The following KLB variants were observed in gnomAD, a reference collection of about 807,000 sequenced individuals.
KLB encodes beta-klotho.
In KLB, 44 loss-of-function variants were observed where a neutral mutation model predicts 88.4. The observed-to-expected ratio is 0.50, with a 90% CI of 0.39 to 0.64. The LOEUF is 0.64. KLB is among the 30% of genes least tolerant of loss of function. The pLI, the probability that KLB is intolerant of heterozygous loss-of-function variation, is 0.00. For missense variants in KLB, 1,137 were observed against 1,304.8 expected (o/e 0.87, Z 1.98); for synonymous variants, 548 against 513.4 (o/e 1.07, Z -0.91).
chr4:39,429,716 C>A (rs1367643472), intron 1 of KLB, among the ~76,000 whole-genome samples: 2 of 152,152 alleles, frequency 1.3e-5, no homozygotes, highest in African/African-American at 2.4e-5. Flanking sequence ...CCCCTACTAA[C>A]CTCATTTTAA....
At chr4:39,411,337 A>ATTTTTTT (rs35160893) in intron 1 of KLB, among the ~76,000 whole-genome samples, 3 of 103,274 alleles carry the variant, frequency 2.9e-5, no homozygotes, top group East Asian at 2.9e-4. Context: ...TTTTGTTTTG[A>ATTTTTTT]TTTTTTTTTT....
chr4:39,446,978 A>G lies in KLB; in HGVS notation c.2252A>G (p.Asn751Ser), dbSNP rs1560654338. The G allele has an allele frequency of 6.2e-7, 1 of 1,608,554 alleles. No homozygotes were observed. The highest frequency in any genetic ancestry group is 8.5e-7 in the Non-Finnish European group (1 of 1,179,870). Residue 751 changes from asparagine to serine, a missense_variant, in exon 4 of 5, where the codon AAC becomes AGC. Around this residue, in one of 4 missense-constraint regions of KLB, gnomAD observed 426 missense variants for 404.6 expected, o/e 1.05. Coordinates refer to ENST00000257408, the MANE Select transcript of KLB (RefSeq NM_175737.4). This position sits in a 1 kb window ranked among gnomAD's most constrained non-coding sequence, Gnocchi z 6.4. ...SLHADWAEPA[N>S]PYADSHWRAA... ...CACGCGGACTGGGCGGAACCCGCCAACCCCTATGCTGACTCGCACTGGAGG... is the reference window on the plus strand; with the variant it reads ...CACGCGGACTGGGCGGAACCCGCCAGCCCCTATGCTGACTCGCACTGGAGG...
chr4:39,430,588 A>G (rs950483612), intron 1 of KLB, among the ~76,000 whole-genome samples: 5 of 133,222 alleles, frequency 3.8e-5, no homozygotes, highest in African/African-American at 1.1e-4. Flanking sequence ...CTTCTCTGAG[A>G]GGAAATTTTT....
chr4:39,430,468 G>A lies in KLB; in HGVS notation c.826-3742G>A, dbSNP rs574039040. On this transcript the variant is annotated intron_variant, in intron 1 of 4. Transcript: ENST00000257408. ...CGTGATTCTAGCCCCAGAAAAACCCGGAAAGAATAGCTGAAACCATTTAAG... is the reference window on the plus strand; with the variant it reads ...CGTGATTCTAGCCCCAGAAAAACCCAGAAAGAATAGCTGAAACCATTTAAG... 9.7e-4 allele frequency among the ~76,000 whole-genome samples: 146 copies of A among 150,324 alleles called. 3 individuals are homozygous for A. The South Asian group carries it at 0.029, about 30-fold the overall frequency.
chr4:39,432,615 G>A (rs1429424653), intron 1 of KLB, among the ~76,000 whole-genome samples: 1 of 151,948 alleles, frequency 6.6e-6, no homozygotes, highest in East Asian at 1.9e-4. Context: ...ACTTTCTGAG[G>A]GTAAGTTCCT....
At chr4:39,434,087 G>A in intron 1 of KLB, 123 bp from the exon 2 acceptor site, 1 of 906,186 alleles carries the variant, frequency 1.1e-6, no homozygotes, top group Non-Finnish European at 1.7e-6. Flanking sequence ...AGGGCTCCCT[G>A]GCAGCTTTCC....
intron 3 of KLB, among the ~76,000 whole-genome samples, chr4:39,442,636 T>C (rs1207632152): frequency 6.6e-6 from 1 of 152,136 alleles, no homozygotes; most frequent in Non-Finnish European, 1.5e-5. Flanking sequence ...GGTTTCACTA[T>C]TTTGGCCAGG....
chr4:39,447,348 G>C lies in KLB; in HGVS notation c.2622G>C (p.Arg874=), dbSNP rs771852862. 6 of 1,613,988 alleles carry C rather than the reference G, an allele frequency of 3.7e-6. No homozygotes were observed. In the African/African-American group the frequency reaches 4.0e-5, roughly 11 times the overall value. Residue 874 remains arginine (R), a synonymous_variant, in exon 4 of 5, where the codon CGG becomes CGC. Coordinates refer to ENST00000257408, the MANE Select transcript of KLB (RefSeq NM_175737.4). The stretch of plus-strand genomic sequence containing the variant: ...CCTGGGGGGTGCGCAAGCTGCTGCG[G>C]TGGGTCCGGAGGAACTACGGCGACA... ...VIPWGVRKLL[R]WVRRNYGDMD...
chr4:39,444,614 T>A (rs1743694767), intron 3 of KLB, among the ~76,000 whole-genome samples: 1 of 152,226 alleles, frequency 6.6e-6, no homozygotes, highest in East Asian at 1.9e-4. Flanking sequence ...CTTGCTGAGA[T>A]TAATGCTTTC....
At chr4:39,434,812 C>CTT (rs200875313) in intron 2 of KLB, 92 bp downstream of exon 2, 867 of 808,192 alleles carry the variant, frequency 1.1e-3, no homozygotes, top group Middle Eastern at 1.3e-3. Flanking sequence ...TATTGTTGGG[C>CTT]TTTTTTTTTT....
At chr4:39,418,333 T>C (rs796899155) in intron 1 of KLB, among the ~76,000 whole-genome samples, 39 of 152,124 alleles carry the variant, frequency 2.6e-4, no homozygotes, top group African/African-American at 9.1e-4. Flanking sequence ...CTCCACCTCC[T>C]GGTTCAAGCG....
At chr4:39,440,784 C>T (rs920769225) in intron 3 of KLB, among the ~76,000 whole-genome samples, 2 of 151,260 alleles carry the variant, frequency 1.3e-5, no homozygotes, top group African/African-American at 4.9e-5. Context: ...TCTCAAACTC[C>T]TGAGCTTAGG....
At position 39,447,193 on chromosome 4, in the gene KLB, C is replaced by T. The variant is rs1284782970; in HGVS notation, c.2467C>T (p.Leu823Phe). The part of the protein sequence containing the change: ...LLKGTVDFCA[L>F]NHFTTRFVMH... ...CAAGGGCACGGTCGACTTCTGCGCGCTCAACCACTTCACCACTAGGTTCGT... is the reference window on the plus strand; with the variant it reads ...CAAGGGCACGGTCGACTTCTGCGCGTTCAACCACTTCACCACTAGGTTCGT... The change falls in exon 4 of 5, where the codon CTC (leucine) becomes TTC (phenylalanine). Residue 823 changes from leucine to phenylalanine, a missense_variant. Transcript: ENST00000257408. 6.2e-7 allele frequency: 1 copy of T among 1,614,004 alleles called. No individual in the cohort carries two copies. The highest frequency in any genetic ancestry group is 8.5e-7 in the Non-Finnish European group (1 of 1,180,052).
At chr4:39,424,065 TTTTTTG>T (rs1389013543) in intron 1 of KLB, among the ~76,000 whole-genome samples, 2 of 151,694 alleles carry the variant, frequency 1.3e-5, no homozygotes, top group African/African-American at 2.4e-5. Flanking sequence ...ATGATAGTTA[TTTTTTG>T]TTTTTGTTTT....
Position 39,449,679 on chromosome 4 carries a change from C to T in KLB, c.*993C>T. 1 of 152,034 alleles carries T rather than the reference C, an allele frequency of 6.6e-6. No homozygotes were observed. The highest frequency in any genetic ancestry group is 2.4e-5 in the African/African-American group (1 of 41,292). 9.4% of individuals were successfully genotyped at this position (152,034 alleles called of 1,614,324 possible). On this transcript the variant is annotated 3_prime_UTR_variant, in exon 5 of 5. Transcript: ENST00000257408. ...GGTGGCACCGCCTGTAATCCCAGCACTTTGGGAGGCCAAGGCAGGTGGATC... is the reference window on the plus strand; with the variant it reads ...GGTGGCACCGCCTGTAATCCCAGCATTTTGGGAGGCCAAGGCAGGTGGATC...
chr4:39,430,816 G>C (rs999137688), intron 1 of KLB, among the ~76,000 whole-genome samples: 1 of 151,494 alleles, frequency 6.6e-6, no homozygotes, highest in Non-Finnish European at 1.5e-5. Flanking sequence ...TGTTGGCCAA[G>C]CTGGTCTCAA....
chr4:39,420,980 T>C (rs1412641651), intron 1 of KLB, among the ~76,000 whole-genome samples: 1 of 152,274 alleles, frequency 6.6e-6, no homozygotes, highest in Non-Finnish European at 1.5e-5. Context: ...AATTTTTTTC[T>C]ATGTATATAT....
rs762862555 is a variant in KLB, at chr4:39,447,157, A to G, written c.2431A>G (p.Arg811Gly). Residue 811 changes from arginine to glycine, a missense_variant, in exon 4 of 5, where the codon AGG becomes GGG. By Grantham distance (125) the Arg-to-Gly change is moderately radical (BLOSUM62 -2). Coordinates refer to ENST00000257408, the MANE Select transcript of KLB (RefSeq NM_175737.4). ...SALPRLTEAE[R>G]RLLKGTVDFC... is the part of the protein sequence containing the mutation. ...CCTGCCGCGCCTCACCGAGGCCGAA[A>G]GGAGGCTGCTCAAGGGCACGGTCGA... 2 of 1,613,674 alleles carry G rather than the reference A, an allele frequency of 1.2e-6. No individual in the cohort carries two copies. The highest frequency in any genetic ancestry group is 2.7e-5 in the African/African-American group (2 of 74,936).
In KLB at chr4:39,448,768, T is replaced by C. The variant is rs1743821988; in HGVS notation, c.*82T>C. 7.8e-7 allele frequency: 1 copy of C among 1,282,364 alleles called. No individual in the cohort carries two copies. Among genetic ancestry groups the C allele is most frequent in the South Asian group, 1.4e-5 (1 of 70,354 alleles). The allele number at this position is 1,282,364 out of a possible 1,614,324, so 79.4% of individuals were successfully genotyped here. A position where few individuals can be genotyped will look rare whatever the true frequency, so the allele number is the denominator to read the frequency against. On this transcript the variant is annotated 3_prime_UTR_variant, in exon 5 of 5. Coordinates refer to ENST00000257408, the MANE Select transcript of KLB (RefSeq NM_175737.4). ...TAACTTACAGGAGATATACCTGTATTATAGAAAGACAATCTGAGATACAGC... is the reference window on the plus strand; with the variant it reads ...TAACTTACAGGAGATATACCTGTATCATAGAAAGACAATCTGAGATACAGC...
Sources: allele counts gnomAD v4.1 joint callset (sites outside exome capture counted in the v4.1 genomes callset), GRCh38; gene constraint gnomAD v4.1.1; regional missense constraint gnomAD v4.1.1; non-coding constraint Gnocchi (gnomAD v3.1); transcripts MANE v1.5; gene names NCBI Gene and HGNC (gene_info 2026-07-23, HGNC 2026-07-21).